STEAP1B: variants seen among roughly 807,000 people sequenced by gnomAD.
STEAP1B encodes STEAP family protein MGC87042.
Under a neutral mutation model 27.9 loss-of-function variants are expected in STEAP1B, and 13 were observed. The observed-to-expected ratio is 0.47, with a 90% CI of 0.30 to 0.74. STEAP1B has a LOEUF of 0.74. STEAP1B is among the 30% of genes least tolerant of loss of function. The probability of loss-of-function intolerance (pLI) is 0.06; values close to 1 mark genes in which losing one functional copy is unlikely to be tolerated. For synonymous variants in STEAP1B, 86 were observed against 107.1 expected (o/e 0.80, Z 1.22); for missense variants, 250 against 298.7 (o/e 0.84, Z 1.20).
chr7:22,493,532 T>A lies in STEAP1B; in HGVS notation c.389A>T (p.Tyr130Phe), dbSNP rs1583356447. 6.2e-7 allele frequency: 1 copy of A among 1,613,790 alleles called. No individual in the cohort carries two copies. Among genetic ancestry groups the A allele is most frequent in the African/African-American group, 1.3e-5 (1 of 74,874 alleles). Residue 130 changes from tyrosine (Y) to phenylalanine (F), a missense_variant, in exon 3 of 5, where the codon TAC (tyrosine) becomes TTC (phenylalanine). Coordinates refer to ENST00000678116, the MANE Select transcript of STEAP1B (RefSeq NM_001382447.1). Reference sequence around the variant, plus strand: ...AATTGCTGCTATCACACCTGGTAGGTAAACCAATGCCAAGAGAGTGATGGA... The same window carrying A: ...AATTGCTGCTATCACACCTGGTAGGAAAACCAATGCCAAGAGAGTGATGGA... ...MVSITLLALV[Y>F]LPGVIAAIVQ...
intron 4 of STEAP1B, among the ~76,000 whole-genome samples, chr7:22,446,902 G>T (rs1785418162): frequency 6.6e-6 from 1 of 152,154 alleles, no homozygotes; most frequent in Non-Finnish European, 1.5e-5. Context: ...GCACATTGTA[G>T]AAACTTGATT....
intron 1 of STEAP1B, among the ~76,000 whole-genome samples, chr7:22,497,547 C>T (rs1361056381): frequency 6.6e-6 from 1 of 152,078 alleles, no homozygotes; most frequent in African/African-American, 2.4e-5. Flanking sequence ...ATATGCCAAT[C>T]ATCAAGTATT....
intron 4 of STEAP1B, among the ~76,000 whole-genome samples, chr7:22,443,952 C>G (rs1785371444): frequency 6.6e-6 from 1 of 152,244 alleles, no homozygotes; most frequent in South Asian, 2.1e-4. Context: ...TCCCCATAAA[C>G]TGACCCTCAG....
At chr7:22,492,054 G>C (rs1562585905) in intron 4 of STEAP1B, among the ~76,000 whole-genome samples, 1 of 152,056 alleles carries the variant, frequency 6.6e-6, no homozygotes, top group African/African-American at 2.4e-5. Context: ...GGGCGCGGTG[G>C]CTCACGTCTG....
intron 4 of STEAP1B, among the ~76,000 whole-genome samples, chr7:22,471,912 A>AG (rs894125700): frequency 6.6e-6 from 1 of 151,722 alleles, no homozygotes; most frequent in African/African-American, 2.4e-5. Flanking sequence ...AAAAAAAAAA[A>AG]AAAAAAGTTT....
chr7:22,426,715 G>C (rs1160786111), intron 4 of STEAP1B, among the ~76,000 whole-genome samples: 1 of 152,224 alleles, frequency 6.6e-6, no homozygotes, highest in Non-Finnish European at 1.5e-5. Context: ...GTGCCTGTCT[G>C]TGAGCTAGAC....
At chr7:22,469,735 CG>C (rs1562578219) in intron 4 of STEAP1B, among the ~76,000 whole-genome samples, 1 of 152,104 alleles carries the variant, frequency 6.6e-6, no homozygotes, top group Non-Finnish European at 1.5e-5. Context: ...TCTAGGTTAG[CG>C]TAAGTACACT....
rs958520578 is a variant in STEAP1B at position 22,489,541 on chromosome 7, A to G, written c.762+3024T>C. Among the ~76,000 whole-genome samples, 4 of 152,204 alleles carry G rather than the reference A, an allele frequency of 2.6e-5. 1 individual carries two copies. The highest frequency in any genetic ancestry group is 2.6e-4 in the Admixed American group (4 of 15,292). On this transcript the variant is annotated intron_variant, in intron 4 of 4. Transcript: ENST00000678116. ...CCTGAAGTCATCAGGGTGTGCCCCA[A>G]GCCCACAGGACTGGTTTCCTTATAA...
chr7:22,446,869 G>A (rs1785417491), intron 4 of STEAP1B, among the ~76,000 whole-genome samples: 1 of 152,132 alleles, frequency 6.6e-6, no homozygotes, highest in African/African-American at 2.4e-5. Flanking sequence ...ACAGTATCTG[G>A]GAAAACACTT....
At chr7:22,446,750 A>G (rs1466728930) in intron 4 of STEAP1B, among the ~76,000 whole-genome samples, 1 of 152,192 alleles carries the variant, frequency 6.6e-6, no homozygotes, top group Admixed American at 6.5e-5. Flanking sequence ...TTTCAGGTAA[A>G]CGACTCAAGC....
intron 4 of STEAP1B, among the ~76,000 whole-genome samples, chr7:22,463,880 C>T (rs1785724351): frequency 6.6e-6 from 1 of 151,370 alleles, no homozygotes; most frequent in African/African-American, 2.4e-5. Context: ...CATTACCATT[C>T]AGGACATAGG....
chr7:22,494,646 C>T (rs1786406408), intron 2 of STEAP1B, 126 bp downstream of exon 2: 2 of 633,850 alleles, frequency 3.2e-6, no homozygotes, highest in Non-Finnish European at 5.2e-6. Flanking sequence ...TGACAGTAAT[C>T]CAAGTCCAGA....
intron 4 of STEAP1B, among the ~76,000 whole-genome samples, chr7:22,454,011 C>T (rs1048567542): frequency 2.0e-5 from 3 of 152,186 alleles, no homozygotes; most frequent in Admixed American, 1.3e-4. Context: ...CATTCTTGGA[C>T]ATGTCTTTTG....
chr7:22,448,310 A>G (rs1487743824), intron 4 of STEAP1B, among the ~76,000 whole-genome samples: 1 of 152,128 alleles, frequency 6.6e-6, no homozygotes, highest in African/African-American at 2.4e-5. Context: ...TACCAATTAT[A>G]TTTTTCCATT....
At chr7:22,430,749 T>C (rs773812642) in intron 4 of STEAP1B, among the ~76,000 whole-genome samples, 1 of 152,214 alleles carries the variant, frequency 6.6e-6, no homozygotes, top group Non-Finnish European at 1.5e-5. Context: ...TGTGATTACC[T>C]CATTCAAAAC....
chr7:22,480,288 C>A (rs994120755), intron 4 of STEAP1B, among the ~76,000 whole-genome samples: 11 of 152,176 alleles, frequency 7.2e-5, no homozygotes, highest in African/African-American at 2.7e-4. Context: ...GAGGTCTTCC[C>A]ACATACACAG....
At chr7:22,469,743 C>T (rs865893566) in intron 4 of STEAP1B, among the ~76,000 whole-genome samples, 2 of 152,312 alleles carry the variant, frequency 1.3e-5, no homozygotes, top group Middle Eastern at 6.8e-3. Flanking sequence ...AGCGTAAGTA[C>T]ACTCTACAAT....
At chr7:22,440,774 GAC>G (rs1583632892) in intron 4 of STEAP1B, among the ~76,000 whole-genome samples, 1 of 151,868 alleles carries the variant, frequency 6.6e-6, no homozygotes, top group Non-Finnish European at 1.5e-5. Context: ...AAAAGCAAAA[GAC>G]ACTGAAATAA....
At chr7:22,431,978 G>A (rs1001111251) in intron 4 of STEAP1B, among the ~76,000 whole-genome samples, 4 of 152,132 alleles carry the variant, frequency 2.6e-5, no homozygotes, top group African/African-American at 9.7e-5. Flanking sequence ...GAATGTTTGC[G>A]TCTCTCCAAA....
Sources: gnomAD v4.1 joint callset for allele counts (sites outside exome capture counted in the v4.1 genomes callset) on GRCh38, gnomAD v4.1.1 for gene constraint, MANE v1.5 for transcripts, NCBI Gene and HGNC (gene_info 2026-07-23, HGNC 2026-07-21) for gene names.